Variants in NGLY1 observed in about 807,000 individuals in gnomAD.
NGLY1 encodes N-glycanase 1, also known as peptide-N(4)-(N-acetyl-beta-glucosaminyl)asparagine amidase.
NGLY1 carries 68 observed loss-of-function variants against 84.6 expected under a neutral mutation model. The observed-to-expected ratio is 0.80, with a 90% CI of 0.66 to 0.98. The LOEUF (loss-of-function observed/expected upper bound fraction) is 0.98, where lower values mean the gene tolerates loss of function less well. NGLY1 is among the 50% of genes least tolerant of loss of function. NGLY1 has a pLI of 0.00. For missense variants in NGLY1, 779 were observed against 770.2 expected (o/e 1.01, Z -0.14); for synonymous variants, 280 against 275.2 (o/e 1.02, Z -0.17).
chr3:25,768,147 G>A (rs902626575), intron 2 of NGLY1, among the ~76,000 whole-genome samples: 8 of 150,406 alleles, frequency 5.3e-5, no homozygotes, highest in Admixed American at 2.7e-4. Flanking sequence ...GATTGGCCAG[G>A]TGTGGTGGCT....
At chr3:25,765,716 T>G (rs1471799279) in intron 2 of NGLY1, among the ~76,000 whole-genome samples, 1 of 152,126 alleles carries the variant, frequency 6.6e-6, no homozygotes, top group Non-Finnish European at 1.5e-5. Flanking sequence ...TGTATTGTCT[T>G]TGTGTGTTCT....
In NGLY1 at chr3:25,750,277, C is replaced by G. The variant is rs560111803; in HGVS notation, c.658+821G>C. ...TTCAATTACCTCCAACTGGTCCCAC[C>G]CTTGACACACGGGGATTATAAGGAT... On this transcript the variant is annotated intron_variant, in intron 4 of 11. Transcript: ENST00000280700. Among the ~76,000 whole-genome samples the G allele has an allele frequency of 1.1e-4, 17 of 152,206 alleles. No homozygotes were observed. In the South Asian group the frequency reaches 3.3e-3, roughly 30 times the overall value.
intron 10 of NGLY1, among the ~76,000 whole-genome samples, chr3:25,721,756 A>G (rs1204533988): frequency 7.1e-4 from 107 of 149,912 alleles, no homozygotes; most frequent in Non-Finnish European, 1.3e-3. Context: ...CTCAAAAAAA[A>G]AAAAAAAAAA....
intron 4 of NGLY1, among the ~76,000 whole-genome samples, chr3:25,750,152 G>C (rs1329111574): frequency 2.6e-5 from 4 of 152,156 alleles, no homozygotes; most frequent in African/African-American, 9.7e-5. Flanking sequence ...GAGAGAGAAT[G>C]AGTGCAAGCA....
chr3:25,763,705 TATTA>T (rs1237839798), intron 3 of NGLY1, among the ~76,000 whole-genome samples: 34 of 152,250 alleles, frequency 2.2e-4, no homozygotes, highest in African/African-American at 8.2e-4. Context: ...ATATGGTGTA[TATTA>T]ATAATAAAAT....
upstream of NGLY1, chr3:25,783,525 C>T: frequency 1.4e-6 from 1 of 699,220 alleles, no homozygotes; most frequent in Non-Finnish European, 1.9e-6. This position sits in a 1 kb window ranked among gnomAD's most constrained non-coding sequence, Gnocchi z 4.5. Flanking sequence ...GGGTCCTCGG[C>T]CGGCAGGGGC....
chr3:25,749,674 CA>C, intron 4 of NGLY1: 1 of 1,553,100 alleles, frequency 6.4e-7, no homozygotes, highest in South Asian at 1.1e-5. Flanking sequence ...GTTATGGGAG[CA>C]ACAAAAAAAC....
At chr3:25,725,804 G>T (rs1705224963) in intron 10 of NGLY1, among the ~76,000 whole-genome samples, 1 of 152,056 alleles carries the variant, frequency 6.6e-6, no homozygotes, top group Non-Finnish European at 1.5e-5. Flanking sequence ...GGAGTATGAG[G>T]TTTTTTTCAC....
chr3:25,783,598 G>C (rs1708530672), upstream of NGLY1: 1 of 420,256 alleles, frequency 2.4e-6, no homozygotes, highest in African/African-American at 2.4e-5. This position sits in a 1 kb window ranked among gnomAD's most constrained non-coding sequence, Gnocchi z 4.5. Flanking sequence ...CGGCCGGCAG[G>C]GGCGGGGTCG....
upstream of NGLY1, among the ~76,000 whole-genome samples, chr3:25,787,256 C>G (rs1708625007): frequency 6.6e-6 from 1 of 152,122 alleles, no homozygotes; most frequent in Admixed American, 6.5e-5. Flanking sequence ...AAGGAGAGGA[C>G]TTGCTACCTG....
At chr3:25,728,981 T>C (rs1010113169) in intron 10 of NGLY1, 152 bp downstream of exon 10, 7 of 434,440 alleles carry the variant, frequency 1.6e-5, no homozygotes, top group African/African-American at 6.1e-5. Context: ...TGATTACATA[T>C]TGGGGACAGA....
intron 7 of NGLY1, chr3:25,734,672 A>C: frequency 1.9e-6 from 1 of 518,278 alleles, no homozygotes; most frequent in Non-Finnish European, 2.5e-6. Flanking sequence ...GGATCATGCA[A>C]CTGCACTCCA....
rs751805500 is a variant in NGLY1, at chr3:25,733,964, G to T, written c.1168C>A (p.Arg390=). 5 of 1,613,026 alleles carry T rather than the reference G, an allele frequency of 3.1e-6. No homozygotes were observed. The African/African-American group carries it at 6.7e-5, about 22-fold the overall frequency. The change falls in exon 8 of 12, where the codon CGA becomes AGA. Residue 390 remains arginine, a synonymous_variant. Coordinates refer to ENST00000280700, the MANE Select transcript of NGLY1 (RefSeq NM_018297.4). ...ACCTCTTCATGTTTGCAGGAATATC[G>T]CCAAGTGACATCAACTACCTGAAAC... is the stretch of plus-strand genomic sequence containing the variant. ...SKDEVVDVTW[R]YSCKHEEVIA... is the part of the protein sequence containing the mutation.
In NGLY1 at chr3:25,729,136, G is replaced by A. The variant is rs138108375; in HGVS notation, c.1608C>T (p.His536=). The part of the protein sequence containing the change: ...SIFRKVETDW[H]MVYLARKEGS... ...ATGGTTTTATGCATTAAGTTACCAT[G>A]TGCCAGTCTGTTTCAACTTTTCTGA... The change falls in exon 10 of 12, where the codon CAC becomes CAT. Residue 536 remains histidine (H), a synonymous_variant. Transcript: ENST00000280700. 3 of 1,491,402 alleles carry A rather than the reference G, an allele frequency of 2.0e-6. No individual in the cohort carries two copies. Among genetic ancestry groups the A allele is most frequent in the South Asian group, 1.4e-5 (1 of 70,522 alleles). The allele number at this position is 1,491,402 out of a possible 1,614,324, so 92.4% of individuals were successfully genotyped here.
intron 2 of NGLY1, among the ~76,000 whole-genome samples, chr3:25,770,297 C>T (rs916394019): frequency 3.9e-5 from 6 of 152,202 alleles, no homozygotes; most frequent in Admixed American, 6.5e-5. Flanking sequence ...TACAAGTGCC[C>T]GCCACCATGC....
upstream of NGLY1, among the ~76,000 whole-genome samples, chr3:25,785,061 C>T (rs1286042414): frequency 7.9e-6 from 1 of 126,874 alleles, no homozygotes; most frequent in African/African-American, 3.0e-5. Context: ...GCTCCACAGA[C>T]AATACTTGAA....
chr3:25,732,521 G>C, intron 8 of NGLY1, 38 bp from the exon 9 acceptor site: 2 of 1,563,588 alleles, frequency 1.3e-6, no homozygotes, highest in Non-Finnish European at 1.8e-6. Flanking sequence ...GTTAAGATTA[G>C]GGGAATGTAT....
chr3:25,758,072 C>A (rs1057203086), intron 3 of NGLY1, among the ~76,000 whole-genome samples: 2 of 152,174 alleles, frequency 1.3e-5, no homozygotes, highest in African/African-American at 4.8e-5. Context: ...AAGGCCAATA[C>A]TAATAATAAG....
At chr3:25,784,469 A>G (rs1708559791), upstream of NGLY1, among the ~76,000 whole-genome samples, 1 of 152,182 alleles carries the variant, frequency 6.6e-6, no homozygotes, top group Non-Finnish European at 1.5e-5. Context: ...TCCTCTTAGA[A>G]GATGCATCCC....
Sources: allele counts gnomAD v4.1 joint callset (sites outside exome capture counted in the v4.1 genomes callset), GRCh38; gene constraint gnomAD v4.1.1; non-coding constraint Gnocchi (gnomAD v3.1); transcripts MANE v1.5; gene names NCBI Gene and HGNC (gene_info 2026-07-23, HGNC 2026-07-21).